PTPN2: variants seen among roughly 807,000 people sequenced by gnomAD.
The protein encoded by PTPN2 is tyrosine-protein phosphatase non-receptor type 2.
Under a neutral mutation model 57.3 loss-of-function variants are expected in PTPN2, and 19 were observed. The ratio of observed to expected loss-of-function variants is 0.33; its 90% CI spans 0.23 to 0.49. The LOEUF (loss-of-function observed/expected upper bound fraction) is 0.49, where lower values mean the gene tolerates loss of function less well. PTPN2 is among the 20% of genes least tolerant of loss of function. The pLI, the probability that PTPN2 is intolerant of heterozygous loss-of-function variation, is 0.99. For missense variants in PTPN2, 358 were observed against 501.1 expected (o/e 0.71, Z 2.73); for synonymous variants, 153 against 164.9 (o/e 0.93, Z 0.55).
At position 12,802,041 on chromosome 18, in the gene PTPN2, T is replaced by C; in HGVS notation, c.969A>G (p.Glu323=). The change falls in exon 8 of 9, where the codon GAA becomes GAG. Residue 323 remains glutamate, a synonymous_variant. Transcript: ENST00000309660. Reference sequence around the variant, plus strand: ...CTGTACATCGGTCACCTGTCAGTTTTTCTTCTTCTAGACCTATTCTGTTCC... The same window carrying C: ...CTGTACATCGGTCACCTGTCAGTTTCTCTTCTTCTAGACCTATTCTGTTCC... ...YNGNRIGLEE[E]KLTGDRCTGL... The C allele has an allele frequency of 6.2e-7, 1 of 1,612,654 alleles. No individual in the cohort carries two copies. The highest frequency in any genetic ancestry group is 1.1e-5 in the South Asian group (1 of 90,958).
At chr18:12,872,306 C>T (rs780326840) in intron 1 of PTPN2, 1 of 152,058 alleles carries the variant, frequency 6.6e-6, no homozygotes, top group Non-Finnish European at 1.5e-5. Context: ...GACTATAAAA[C>T]CGTTCAAATA....
At chr18:12,840,681 T>G in intron 2 of PTPN2, 1 of 1,594,844 alleles carries the variant, frequency 6.3e-7, no homozygotes, top group Non-Finnish European at 8.5e-7. Flanking sequence ...AGCACAAAAA[T>G]GAAACCTAGA....
chr18:12,863,178 T>C (rs1277777880), intron 1 of PTPN2: 3 of 152,208 alleles, frequency 2.0e-5, no homozygotes, highest in African/African-American at 7.2e-5. Flanking sequence ...ATGTTTCCTC[T>C]GGGCACAGTG....
intron 2 of PTPN2, among the ~76,000 whole-genome samples, chr18:12,841,364 T>C (rs1449280775): frequency 2.0e-5 from 3 of 152,218 alleles, no homozygotes; most frequent in African/African-American, 7.2e-5. Flanking sequence ...AGTGAAGTTC[T>C]TTAAAGGACT....
At chr18:12,842,372 T>C (rs1256174351) in intron 2 of PTPN2, among the ~76,000 whole-genome samples, 3 of 152,222 alleles carry the variant, frequency 2.0e-5, no homozygotes, top group Non-Finnish European at 2.9e-5. Flanking sequence ...ATATTGGTGA[T>C]ATAGCAATAA....
At chr18:12,875,317 TA>T (rs10654132) in intron 1 of PTPN2, among the ~76,000 whole-genome samples, 156 of 144,982 alleles carry the variant, frequency 1.1e-3, no homozygotes, top group African/African-American at 1.3e-3. Flanking sequence ...AAATAAAAAT[TA>T]AAAAAAAAAA....
At chr18:12,877,513 T>C (rs1010552649) in intron 1 of PTPN2, among the ~76,000 whole-genome samples, 4 of 152,182 alleles carry the variant, frequency 2.6e-5, no homozygotes, top group African/African-American at 9.7e-5. Context: ...AGCACTGAGA[T>C]TAGACAGCAG....
intron 8 of PTPN2, 123 bp downstream of exon 8, chr18:12,801,847 G>A (rs565345524): frequency 3.9e-5 from 38 of 962,970 alleles, no homozygotes; most frequent in Admixed American, 2.2e-4. Context: ...GAGATTACAG[G>A]CGTGATTGTA....
At chr18:12,848,431 A>C (rs182777054) in intron 2 of PTPN2, among the ~76,000 whole-genome samples, 1 of 152,372 alleles carries the variant, frequency 6.6e-6, no homozygotes, top group African/African-American at 2.4e-5. Flanking sequence ...TTGAACATGC[A>C]TGGCCTTAGT....
chr18:12,818,741 T>A (rs998800680), intron 5 of PTPN2, among the ~76,000 whole-genome samples: 1 of 152,014 alleles, frequency 6.6e-6, no homozygotes, highest in Non-Finnish European at 1.5e-5. Flanking sequence ...AGATTATTAT[T>A]ATAATATCCT....
At chr18:12,860,635 G>A (rs1444091708) in intron 1 of PTPN2, among the ~76,000 whole-genome samples, 9 of 151,684 alleles carry the variant, frequency 5.9e-5, no homozygotes. Flanking sequence ...GGTGACGAGC[G>A]CCTGTAATCC....
intron 4 of PTPN2, among the ~76,000 whole-genome samples, chr18:12,827,240 G>A (rs1377967344): frequency 2.0e-5 from 3 of 151,854 alleles, no homozygotes; most frequent in Non-Finnish European, 4.4e-5. Context: ...CTATTTGGGA[G>A]GCTGAGGCAG....
At chr18:12,855,148 G>A (rs1045606643) in intron 2 of PTPN2, among the ~76,000 whole-genome samples, 1 of 152,206 alleles carries the variant, frequency 6.6e-6, no homozygotes, top group African/African-American at 2.4e-5. Flanking sequence ...TTTAGAATAA[G>A]TTTCAGTGGG....
chr18:12,801,964 G>A lies in PTPN2; in HGVS notation c.1040+6C>T, dbSNP rs925771191. ...ATCTTTCAGCCTGTAGTTATAGAAA[G>A]CTTACCTCTCACTGTTCTCCTCCAT... On this transcript the variant is annotated splice_donor_region_variant and intron_variant, in intron 8 of 8. Transcript: ENST00000309660. 6.3e-7 allele frequency: 1 copy of A among 1,582,752 alleles called. No homozygotes were observed. Among genetic ancestry groups the A allele is most frequent in the South Asian group, 1.2e-5 (1 of 84,464 alleles).
At chr18:12,816,124 T>C (rs112320131) in intron 6 of PTPN2, among the ~76,000 whole-genome samples, 10,970 of 152,176 alleles carry the variant, frequency 0.072, 463 homozygotes, top group Middle Eastern at 0.14. Flanking sequence ...GCCAAGATAG[T>C]GAGGCCTTGT....
At chr18:12,795,496 T>C (rs1598730363) in intron 8 of PTPN2, among the ~76,000 whole-genome samples, 1 of 152,156 alleles carries the variant, frequency 6.6e-6, no homozygotes, top group South Asian at 2.1e-4. Flanking sequence ...TGTTTCACCA[T>C]GTTAGCCAGG....
At chr18:12,834,498 T>C (rs1365635261) in intron 3 of PTPN2, among the ~76,000 whole-genome samples, 1 of 152,208 alleles carries the variant, frequency 6.6e-6, no homozygotes, top group African/African-American at 2.4e-5. Context: ...CCTATTATAA[T>C]GTAAAATTCA....
intron 1 of PTPN2, 107 bp from the exon 2 acceptor site, chr18:12,859,361 TACTATGGAAAGC>T: frequency 2.9e-6 from 2 of 683,244 alleles, no homozygotes; most frequent in South Asian, 3.8e-5. Context: ...ATATGCCAAG[TACTATGGAAAGC>T]ACATTGTTTA....
At chr18:12,821,388 C>T (rs895986323) in intron 5 of PTPN2, 1 of 152,224 alleles carries the variant, frequency 6.6e-6, no homozygotes, top group Non-Finnish European at 1.5e-5. Flanking sequence ...TAAAACTCAA[C>T]ACATTTTCAA....
Sources: gnomAD v4.1 joint callset for allele counts (sites outside exome capture counted in the v4.1 genomes callset) on GRCh38, gnomAD v4.1.1 for gene constraint, MANE v1.5 for transcripts, NCBI Gene and HGNC (gene_info 2026-07-23, HGNC 2026-07-21) for gene names.